MRTFA: variants seen among roughly 807,000 people sequenced by gnomAD.
MRTFA encodes myocardin-related transcription factor A.
MRTFA carries 20 observed loss-of-function variants against 83.5 expected under a neutral mutation model. The observed-to-expected ratio is 0.24, with a 90% confidence interval of 0.17 to 0.35. MRTFA has a LOEUF of 0.35. MRTFA is among the 10% of genes least tolerant of loss of function. The probability of loss-of-function intolerance (pLI) is 1.00; values close to 1 mark genes in which losing one functional copy is unlikely to be tolerated. For synonymous variants in MRTFA, 659 were observed against 541.2 expected, an observed-to-expected ratio of 1.22 and a Z score of -3.02; for missense variants, 1,200 against 1,224.7, an observed-to-expected ratio of 0.98 and a Z score of 0.30.
chr22:40,410,764 C>CCAT lies in MRTFA; in HGVS notation c.*623_*625dup, dbSNP rs2052495873. 4.3e-6 allele frequency: 1 copy of CCAT among 232,950 alleles called. No homozygotes were observed. The highest frequency in any genetic ancestry group is 5.6e-5 in the Admixed American group (1 of 17,776). The allele number at this position is 232,950 out of a possible 1,614,324, so 14.4% of individuals were successfully genotyped here. A position where few individuals can be genotyped will look rare whatever the true frequency, so the allele number is the denominator to read the frequency against. The stretch of plus-strand genomic sequence containing the variant: ...AGAGTAGGATGGGAGGGAGTTGCAC[C>CCAT]CATCTCCTGTCCGCCCCCCCCCAAA... On this transcript the variant is annotated 3_prime_UTR_variant, in exon 15 of 15. Coordinates refer to ENST00000355630, the MANE Select transcript of MRTFA (RefSeq NM_020831.6).
intron 14 of MRTFA, among the ~76,000 whole-genome samples, chr22:40,415,711 TACCTCCTTCTTCCCCTCTGCAGGGGA>T (rs560424856): frequency 1.3e-5 from 2 of 152,122 alleles, no homozygotes; most frequent in Admixed American, 1.3e-4. Context: ...GCATCTGCCC[TACCTCCTTCTTCCCCTCTGCAGGGGA>T]ACCTCCCAGA....
chr22:40,561,713 T>C (rs920211838), intron 2 of MRTFA, among the ~76,000 whole-genome samples: 1 of 152,050 alleles, frequency 6.6e-6, no homozygotes, highest in Non-Finnish European at 1.5e-5. Context: ...AACAAAACAA[T>C]GGAAAGCACA....
chr22:40,541,707 C>A (rs960338175), intron 3 of MRTFA, among the ~76,000 whole-genome samples: 1 of 152,176 alleles, frequency 6.6e-6, no homozygotes, highest in Non-Finnish European at 1.5e-5. Flanking sequence ...TGCTCTGTTG[C>A]CCAGGCTGGA....
At chr22:40,529,915 T>C (rs2055047777) in intron 3 of MRTFA, among the ~76,000 whole-genome samples, 1 of 152,210 alleles carries the variant, frequency 6.6e-6, no homozygotes, top group Non-Finnish European at 1.5e-5. Flanking sequence ...GCTTCTGTGG[T>C]CCTTCCAGAG....
intron 4 of MRTFA, among the ~76,000 whole-genome samples, chr22:40,445,542 G>C (rs1011312004): frequency 6.6e-6 from 1 of 150,838 alleles, no homozygotes; most frequent in Non-Finnish European, 1.5e-5. Context: ...TTTTTGTTTT[G>C]TTTTGTTTTT....
chr22:40,435,624 G>C, intron 4 of MRTFA, 70 bp from the exon 5 acceptor site: 1 of 1,543,264 alleles, frequency 6.5e-7, no homozygotes, highest in South Asian at 1.1e-5. Flanking sequence ...ATATTCAGTG[G>C]AGAAGGCATC....
intron 2 of MRTFA, among the ~76,000 whole-genome samples, chr22:40,564,870 CAA>C: frequency 6.6e-6 from 1 of 152,168 alleles, no homozygotes; most frequent in South Asian, 2.1e-4. Context: ...AGGCTGGTCT[CAA>C]ACTCCCGAGC....
intron 3 of MRTFA, among the ~76,000 whole-genome samples, chr22:40,532,374 C>T (rs991268393): frequency 6.6e-6 from 1 of 152,118 alleles, no homozygotes; most frequent in Non-Finnish European, 1.5e-5. Flanking sequence ...CTGGAATAGA[C>T]AGGAAAAATA....
chr22:40,497,675 C>T (rs2054379161), intron 3 of MRTFA, among the ~76,000 whole-genome samples: 1 of 151,994 alleles, frequency 6.6e-6, no homozygotes, highest in South Asian at 2.1e-4. Flanking sequence ...ATCGCTTGAA[C>T]TTGGGAGGCG....
At chr22:40,617,184 AGGAGGGAGGGAGGGAG>A (rs1202868594) in intron 1 of MRTFA, among the ~76,000 whole-genome samples, 167 of 55,528 alleles carry the variant, frequency 3.0e-3, no homozygotes, top group Middle Eastern at 0.018. Flanking sequence ...GAAGGAGGGA[AGGAGGGAGGGAGGGAG>A]GGAGGGAGGG....
At chr22:40,619,995 T>A (rs1569355799) in intron 1 of MRTFA, among the ~76,000 whole-genome samples, 2 of 151,194 alleles carry the variant, frequency 1.3e-5, no homozygotes. Context: ...AGTCTCACTG[T>A]CTCCCAGGCT....
At chr22:40,538,454 T>C (rs867901928) in intron 3 of MRTFA, among the ~76,000 whole-genome samples, 1 of 150,764 alleles carries the variant, frequency 6.6e-6, no homozygotes, top group Non-Finnish European at 1.5e-5. Flanking sequence ...GTCCTCTGCC[T>C]AGGAAAACCA....
intron 1 of MRTFA, among the ~76,000 whole-genome samples, chr22:40,616,234 C>T (rs2056448132): frequency 6.6e-6 from 1 of 152,220 alleles, no homozygotes; most frequent in Admixed American, 6.5e-5. Flanking sequence ...AGAGCATGTA[C>T]TCTTCAATTT....
At chr22:40,604,616 A>G (rs970125372) in intron 1 of MRTFA, among the ~76,000 whole-genome samples, 1 of 151,900 alleles carries the variant, frequency 6.6e-6, no homozygotes, top group Admixed American at 6.6e-5. Flanking sequence ...GCGTGGTGGC[A>G]TGCACCTGTA....
chr22:40,531,660 A>G (rs2055084651), intron 3 of MRTFA, among the ~76,000 whole-genome samples: 1 of 152,164 alleles, frequency 6.6e-6, no homozygotes, highest in African/African-American at 2.4e-5. Flanking sequence ...CCTATGGCTC[A>G]TGTTTATCTA....
At chr22:40,514,043 G>A (rs932080459) in intron 3 of MRTFA, among the ~76,000 whole-genome samples, 1 of 152,038 alleles carries the variant, frequency 6.6e-6, no homozygotes, top group Non-Finnish European at 1.5e-5. Flanking sequence ...CCTGAGTGAG[G>A]TGAAGAGATA....
At chr22:40,441,829 T>TACACACAC (rs200777735) in intron 4 of MRTFA, among the ~76,000 whole-genome samples, 1 of 122,924 alleles carries the variant, frequency 8.1e-6, no homozygotes, top group Non-Finnish European at 1.8e-5. Context: ...TATATATATA[T>TACACACAC]ATACACACAC....
At chr22:40,461,855 C>T (rs1411960326) in intron 4 of MRTFA, among the ~76,000 whole-genome samples, 2 of 152,206 alleles carry the variant, frequency 1.3e-5, no homozygotes, top group East Asian at 1.9e-4. Context: ...GGTGATAATG[C>T]CCTGGCTCTA....
chr22:40,488,861 C>T (rs2054218530), intron 3 of MRTFA, among the ~76,000 whole-genome samples: 1 of 152,142 alleles, frequency 6.6e-6, no homozygotes, highest in Non-Finnish European at 1.5e-5. Context: ...TTCAGCTCCT[C>T]ACTGCTTTAG....
Sources: allele counts gnomAD v4.1 joint callset (sites outside exome capture counted in the v4.1 genomes callset), GRCh38; gene constraint gnomAD v4.1.1; transcripts MANE v1.5; gene names NCBI Gene and HGNC (gene_info 2026-07-23, HGNC 2026-07-21).